The following IPP variants were observed in gnomAD, a reference collection of about 807,000 sequenced individuals.
The protein encoded by IPP is actin-binding protein IPP.
Under a neutral mutation model 64.1 loss-of-function variants are expected in IPP, and 41 were observed. The observed-to-expected ratio is 0.64, with a 90% CI of 0.50 to 0.83. The LOEUF (loss-of-function observed/expected upper bound fraction) is 0.83, where lower values mean the gene tolerates loss of function less well. Among genes scored for constraint, IPP ranks in the 40% least tolerant of loss-of-function variants. The pLI, the probability that IPP is intolerant of heterozygous loss-of-function variation, is 0.00. For missense variants in IPP, 649 were observed against 703.0 expected (o/e 0.92, Z 0.87); for synonymous variants, 214 against 235.2 (o/e 0.91, Z 0.83).
At chr1:45,707,745 C>T (rs1022547297) in intron 8 of IPP, among the ~76,000 whole-genome samples, 21 of 150,950 alleles carry the variant, frequency 1.4e-4, no homozygotes, top group Non-Finnish European at 2.7e-4. Context: ...GGTGGTCTTA[C>T]ATATATATAT....
At position 45,727,728 on chromosome 1, in the gene IPP, G is replaced by A; in HGVS notation, c.951C>T (p.Asp317=). 1 of 1,600,056 alleles carries A rather than the reference G, an allele frequency of 6.2e-7. No homozygotes were observed. Among genetic ancestry groups the A allele is most frequent in the Non-Finnish European group, 8.5e-7 (1 of 1,169,652 alleles). ...CAGTGGTCCAGTACTGGCTAAAGGT[G>A]TCAAAACGTTCTACACAGCTGAGGG... ...SRALSCVERF[D]TFSQYWTTVS... is the part of the protein sequence containing the mutation. Residue 317 remains aspartate, a synonymous_variant, in exon 5 of 9, where the codon GAC becomes GAT. Transcript: ENST00000396478.
intron 8 of IPP, among the ~76,000 whole-genome samples, chr1:45,705,036 T>C (rs1645498737): frequency 6.6e-6 from 1 of 152,248 alleles, no homozygotes; most frequent in African/African-American, 2.4e-5. Flanking sequence ...ACACACTGTC[T>C]ATGGAGTAGC....
intron 8 of IPP, among the ~76,000 whole-genome samples, chr1:45,701,051 A>G (rs1157194370): frequency 6.6e-6 from 1 of 152,232 alleles, no homozygotes; most frequent in East Asian, 1.9e-4. Flanking sequence ...GGGGTTGGGA[A>G]CTATAGTCTA....
Position 45,706,213 on chromosome 1 carries a change from ATC to A in IPP, c.1531-6025_1531-6024del, listed in dbSNP as rs577391970. Among the ~76,000 whole-genome samples the A allele has an allele frequency of 4.7e-4, 72 of 152,306 alleles. No individual in the cohort carries two copies. The East Asian group carries it at 0.013, about 27-fold the overall frequency. On this transcript the variant is annotated intron_variant, in intron 8 of 8. Transcript: ENST00000396478. Reference sequence around the variant, plus strand: ...GATAATTTGTTGAACACCTGGGGCAATCAGCAGAGACCCAAAAAGAGTCATGC... The same window carrying A: ...GATAATTTGTTGAACACCTGGGGCAAAGCAGAGACCCAAAAAGAGTCATGC...
chr1:45,737,457 C>CTTTTT (rs778748035), intron 3 of IPP, among the ~76,000 whole-genome samples: 2 of 121,254 alleles, frequency 1.6e-5, no homozygotes, highest in Non-Finnish European at 3.5e-5. Flanking sequence ...ATAAACAATT[C>CTTTTT]TTTTTTTTTT....
chr1:45,698,286 C>G (rs1001127357), downstream of IPP, among the ~76,000 whole-genome samples: 1 of 152,094 alleles, frequency 6.6e-6, no homozygotes, highest in African/African-American at 2.4e-5. Flanking sequence ...GAGCAAAATT[C>G]CATCTCAAAA....
At position 45,699,712 on chromosome 1, in the gene IPP, G is replaced by T. The variant is rs145516262; in HGVS notation, c.*254C>A. ...GGATCTCATTCTGTTGCCCAGAGTG[G>T]AGTGCAGTGGCATGATCGTAGCTTA... On this transcript the variant is annotated 3_prime_UTR_variant, in exon 9 of 9. Coordinates refer to ENST00000396478, the MANE Select transcript of IPP (RefSeq NM_005897.3). 1.4e-3 allele frequency: 1,588 copies of T among 1,133,440 alleles called. 12 individuals carry two copies. In the African/African-American group the frequency reaches 0.023, roughly 16 times the overall value. 70.2% of individuals were successfully genotyped at this position (1,133,440 alleles called of 1,614,324 possible).
intron 3 of IPP, among the ~76,000 whole-genome samples, chr1:45,735,292 C>T (rs1303406719): frequency 6.6e-6 from 1 of 151,962 alleles, no homozygotes; most frequent in Non-Finnish European, 1.5e-5. Context: ...CCATATTGGC[C>T]AGGCTGGTCT....
chr1:45,741,376 A>G, intron 2 of IPP, 44 bp from the exon 3 acceptor site: 1 of 1,292,118 alleles, frequency 7.7e-7, no homozygotes, highest in Non-Finnish European at 1.1e-6. Context: ...ATAAAAACAA[A>G]CATTGGCTTA....
chr1:45,721,897 T>C (rs903208541), intron 5 of IPP, among the ~76,000 whole-genome samples: 1 of 151,946 alleles, frequency 6.6e-6, no homozygotes, highest in African/African-American at 2.4e-5. Context: ...GGTGAAACCC[T>C]GTCTCTACTA....
intron 7 of IPP, among the ~76,000 whole-genome samples, chr1:45,716,184 C>T (rs562172856): frequency 3.9e-5 from 6 of 152,144 alleles, no homozygotes; most frequent in Admixed American, 2.0e-4. Context: ...GTTATGTGAG[C>T]GGCATCACAA....
intron 5 of IPP, among the ~76,000 whole-genome samples, chr1:45,726,720 G>A (rs1645832597): frequency 7.0e-6 from 1 of 142,742 alleles, no homozygotes; most frequent in African/African-American, 2.6e-5. Context: ...AAATTTTGAT[G>A]CCACTTTTTT....
chr1:45,718,019 A>T (rs575882041), intron 6 of IPP, among the ~76,000 whole-genome samples: 1 of 152,362 alleles, frequency 6.6e-6, no homozygotes, highest in Admixed American at 6.5e-5. Context: ...GGAGGCTGAG[A>T]GCTACATCAA....
chr1:45,714,678 T>C (rs1157250133), intron 7 of IPP, among the ~76,000 whole-genome samples: 1 of 152,212 alleles, frequency 6.6e-6, no homozygotes, highest in Non-Finnish European at 1.5e-5. Flanking sequence ...TAAAATAGCA[T>C]TGAGTTTTCA....
At chr1:45,745,592 C>G (rs1199916985) in intron 2 of IPP, among the ~76,000 whole-genome samples, 1 of 152,058 alleles carries the variant, frequency 6.6e-6, no homozygotes, top group East Asian at 1.9e-4. Context: ...GGCGCAGTGG[C>G]TCACGCCTGT....
intron 8 of IPP, among the ~76,000 whole-genome samples, chr1:45,707,290 G>A (rs1645524018): frequency 6.6e-6 from 1 of 152,010 alleles, no homozygotes; most frequent in Admixed American, 6.6e-5. Flanking sequence ...AGGCGTGGTG[G>A]TGGGCGCCTG....
chr1:45,740,616 CTCTG>C (rs961617317), intron 3 of IPP, among the ~76,000 whole-genome samples: 3 of 152,220 alleles, frequency 2.0e-5, no homozygotes, highest in African/African-American at 7.2e-5. Context: ...ATGTTAGTAG[CTCTG>C]TCAGTAATTT....
intron 5 of IPP, among the ~76,000 whole-genome samples, chr1:45,722,303 C>A (rs1022042333): frequency 6.6e-6 from 1 of 151,966 alleles, no homozygotes; most frequent in Non-Finnish European, 1.5e-5. Flanking sequence ...GTAATCCCAG[C>A]ACTTTGGGAG....
intron 1 of IPP, among the ~76,000 whole-genome samples, chr1:45,749,903 A>G (rs1646197254): frequency 6.6e-6 from 1 of 152,190 alleles, no homozygotes; most frequent in Admixed American, 6.5e-5. Flanking sequence ...TTGTTTTAAC[A>G]TTAGCTGGCT....
Sources: allele counts gnomAD v4.1 joint callset (sites outside exome capture counted in the v4.1 genomes callset), GRCh38; gene constraint gnomAD v4.1.1; transcripts MANE v1.5; gene names NCBI Gene and HGNC (gene_info 2026-07-23, HGNC 2026-07-21).